Variants in CEP70 observed in about 807,000 individuals in gnomAD.
CEP70 encodes centrosomal protein 70.
Under a neutral mutation model 90.9 loss-of-function variants are expected in CEP70, and 70 were observed. The ratio of observed to expected loss-of-function variants is 0.77; its 90% CI spans 0.64 to 0.94. The LOEUF (loss-of-function observed/expected upper bound fraction) is 0.94. CEP70 is among the 40% of genes least tolerant of loss of function. The pLI is 0.00. For missense variants in CEP70, 648 were observed against 669.0 expected (o/e 0.97, Z 0.35); for synonymous variants, 220 against 228.3 (o/e 0.96, Z 0.33).
chr3:138,500,838 G>C lies in CEP70; in HGVS notation c.1265C>G (p.Pro422Arg). 6.2e-7 allele frequency: 1 copy of C among 1,604,484 alleles called. No homozygotes were observed. Among genetic ancestry groups the C allele is most frequent in the Non-Finnish European group, 8.5e-7 (1 of 1,173,948 alleles). Residue 422 changes from proline to arginine, a missense_variant, in exon 14 of 18, where the codon CCT becomes CGT. Pro to Arg is a moderately radical substitution (Grantham distance 103). Transcript: ENST00000264982. Reference sequence around the variant, plus strand: ...ATCCTGCTTCTTCAAATTAAGCCAAGGTACCAGTTCTGCAGATAGTGTTTT... The same window carrying C: ...ATCCTGCTTCTTCAAATTAAGCCAACGTACCAGTTCTGCAGATAGTGTTTT... ...SLKTLSAELV[P>R]WLNLKKQDEN...
intron 6 of CEP70, among the ~76,000 whole-genome samples, chr3:138,560,999 T>C (rs1576835153): frequency 6.6e-6 from 1 of 152,232 alleles, no homozygotes; most frequent in Middle Eastern, 3.4e-3. Context: ...GCAGATCTCC[T>C]AGCACGTTCG....
At chr3:138,504,797 T>C (rs1406351992) in intron 13 of CEP70, among the ~76,000 whole-genome samples, 1 of 152,156 alleles carries the variant, frequency 6.6e-6, no homozygotes, top group African/African-American at 2.4e-5. Context: ...TACTATCTGT[T>C]CTAGAGAATA....
chr3:138,495,178 G>C, intron 17 of CEP70, 102 bp from the exon 18 acceptor site: 1 of 656,200 alleles, frequency 1.5e-6, no homozygotes. Context: ...CAAACATAAA[G>C]GCAATAATAC....
At chr3:138,578,574 T>C (rs1485889461) in intron 2 of CEP70, among the ~76,000 whole-genome samples, 1 of 151,946 alleles carries the variant, frequency 6.6e-6, no homozygotes, top group East Asian at 1.9e-4. Flanking sequence ...CTGAGCAAGA[T>C]AGGGATAAGA....
intron 2 of CEP70, among the ~76,000 whole-genome samples, chr3:138,579,211 T>C (rs1488203235): frequency 1.3e-5 from 2 of 152,116 alleles, no homozygotes; most frequent in Non-Finnish European, 2.9e-5. Flanking sequence ...TAGTCAGAAC[T>C]TGAGTTTCAG....
At chr3:138,496,172 T>G in intron 17 of CEP70, 1 of 985,456 alleles carries the variant, frequency 1.0e-6, no homozygotes, top group Non-Finnish European at 1.2e-6. Flanking sequence ...TCTAGCTTAT[T>G]CTGTTAAGCC....
intron 6 of CEP70, among the ~76,000 whole-genome samples, chr3:138,561,345 A>G (rs2040392835): frequency 6.6e-6 from 1 of 152,170 alleles, no homozygotes; most frequent in South Asian, 2.1e-4. Flanking sequence ...GAGTAGCATC[A>G]ACATCAGCAA....
intron 11 of CEP70, 28 bp downstream of exon 11, chr3:138,525,462 G>C: frequency 1.1e-6 from 1 of 924,476 alleles, no homozygotes; most frequent in South Asian, 2.7e-5. Context: ...CCTAATAAAA[G>C]AGGCAATTTT....
chr3:138,581,833 G>A (rs531476019), intron 2 of CEP70, among the ~76,000 whole-genome samples: 46 of 151,740 alleles, frequency 3.0e-4, no homozygotes, highest in East Asian at 1.4e-3. Flanking sequence ...AAACTAAGCC[G>A]ATTTAACCCA....
At chr3:138,562,589 C>T (rs548772727) in intron 6 of CEP70, among the ~76,000 whole-genome samples, 23 of 152,330 alleles carry the variant, frequency 1.5e-4, no homozygotes, top group Middle Eastern at 3.4e-3. Flanking sequence ...CCCAGAATTT[C>T]ATATCTAGCC....
chr3:138,533,472 C>G (rs1052008490), intron 7 of CEP70, among the ~76,000 whole-genome samples: 3 of 152,206 alleles, frequency 2.0e-5, no homozygotes, highest in Non-Finnish European at 4.4e-5. Flanking sequence ...TGAAAAAGAA[C>G]TCTGTGGGTT....
rs1475775204 is a variant in CEP70 at position 138,572,941 on chromosome 3, G to C, written c.-5-9C>G. On this transcript the variant is annotated splice_polypyrimidine_tract_variant and intron_variant, in intron 2 of 17. Coordinates refer to ENST00000264982, the MANE Select transcript of CEP70 (RefSeq NM_024491.4). ...TACCGGAAACATAGTTACTTTTGTAGAATCAAAAGAAACAGAAATTGGCAA... is the reference window on the plus strand; with the variant it reads ...TACCGGAAACATAGTTACTTTTGTACAATCAAAAGAAACAGAAATTGGCAA... The C allele has an allele frequency of 1.3e-6, 2 of 1,590,762 alleles. No homozygotes were observed. Among genetic ancestry groups the C allele is most frequent in the African/African-American group, 2.7e-5 (2 of 73,966 alleles).
intron 6 of CEP70, among the ~76,000 whole-genome samples, chr3:138,542,535 G>A (rs1411930650): frequency 6.6e-6 from 1 of 152,240 alleles, no homozygotes; most frequent in Non-Finnish European, 1.5e-5. Flanking sequence ...GCTCTGGCCA[G>A]TGGCTCCTGG....
At chr3:138,519,253 ACT>A (rs138464613) in intron 11 of CEP70, among the ~76,000 whole-genome samples, 59,732 of 151,828 alleles carry the variant, frequency 0.39, 12,316 homozygotes, top group Non-Finnish European at 0.45. Flanking sequence ...GCTGGAAAAC[ACT>A]CTGCAGTATA....
intron 2 of CEP70, 56 bp from the exon 3 acceptor site, chr3:138,572,988 A>C (rs1362874185): frequency 9.5e-6 from 12 of 1,258,338 alleles, no homozygotes; most frequent in Non-Finnish European, 1.4e-5. Context: ...GAGTTGCCTA[A>C]ATGAAAAAAG....
At chr3:138,554,875 C>T (rs2039882325) in intron 6 of CEP70, among the ~76,000 whole-genome samples, 1 of 152,096 alleles carries the variant, frequency 6.6e-6, no homozygotes, top group African/African-American at 2.4e-5. Context: ...GCTGACTGTT[C>T]CTTTTGCTGT....
chr3:138,503,260 A>C (rs1367000396), intron 13 of CEP70, among the ~76,000 whole-genome samples: 1 of 152,140 alleles, frequency 6.6e-6, no homozygotes, highest in East Asian at 1.9e-4. Flanking sequence ...ATACAAGTGG[A>C]ATCATATAAG....
chr3:138,586,196 C>T (rs140088194), intron 2 of CEP70, among the ~76,000 whole-genome samples: 162 of 152,122 alleles, frequency 1.1e-3, no homozygotes, highest in African/African-American at 3.3e-3. Flanking sequence ...CTCACTCTGT[C>T]GCCCAGGCTG....
Position 138,532,573 on chromosome 3 carries a change from A to G in CEP70, c.636-3T>C, listed in dbSNP as rs1297171597. On this transcript the variant is annotated splice_region_variant and splice_polypyrimidine_tract_variant and intron_variant, in intron 7 of 17. Transcript: ENST00000264982. ...AGTAATCAATTAGACAAAGCAACCT[A>G]GAAAACAGAATATTGAATTATTTTC... 2 of 1,486,788 alleles carry G rather than the reference A, an allele frequency of 1.3e-6. No individual in the cohort carries two copies. The highest frequency in any genetic ancestry group is 1.8e-6 in the Non-Finnish European group (2 of 1,115,428). The allele number at this position is 1,486,788 out of a possible 1,614,324, so 92.1% of individuals were successfully genotyped here.
Sources: allele counts gnomAD v4.1 joint callset (sites outside exome capture counted in the v4.1 genomes callset), GRCh38; gene constraint gnomAD v4.1.1; transcripts MANE v1.5; gene names NCBI Gene and HGNC (gene_info 2026-07-23, HGNC 2026-07-21).